The following ANKFN1 variants were observed in gnomAD, a reference collection of about 807,000 sequenced individuals.
ANKFN1 encodes the protein ankyrin repeat and fibronectin type III domain containing 1, also known as ankyrin repeat and fibronectin type-III domain-containing protein 1.
In ANKFN1, 74 loss-of-function variants were observed where a neutral mutation model predicts 108.7. The ratio of observed to expected loss-of-function variants is 0.68; its 90% CI spans 0.56 to 0.83. The LOEUF (loss-of-function observed/expected upper bound fraction) is 0.83. Among genes scored for constraint, ANKFN1 ranks in the 40% least tolerant of loss-of-function variants. ANKFN1 has a pLI of 0.00. For missense variants in ANKFN1, 1,505 were observed against 1,382.3 expected, an observed-to-expected ratio of 1.09 and a Z score of -1.41; for synonymous variants, 547 against 516.2, an observed-to-expected ratio of 1.06 and a Z score of -0.81.
Position 56,514,716 on chromosome 17 carries a change from G to T in ANKFN1, c.*3447G>T, listed in dbSNP as rs2051865769. 6.6e-6 allele frequency among the ~76,000 whole-genome samples: 1 copy of T among 152,172 alleles called. No individual in the cohort carries two copies. Among genetic ancestry groups the T allele is most frequent in the Admixed American group, 6.5e-5 (1 of 15,276 alleles). ...TCATTTGGTTTGAAAATTGAAGCAA[G>T]TTAGTAATAATATTTCGCCAGTCCT... On this transcript the variant is annotated 3_prime_UTR_variant, in exon 21 of 21. Coordinates refer to ENST00000682825, the MANE Select transcript of ANKFN1 (RefSeq NM_001370326.1).
chr17:56,312,280 C>T (rs2045052550), intron 3 of ANKFN1, among the ~76,000 whole-genome samples: 1 of 152,200 alleles, frequency 6.6e-6, no homozygotes, highest in Non-Finnish European at 1.5e-5. Flanking sequence ...TGATATTCCA[C>T]ATGTGTCTGG....
chr17:56,189,179 T>TTTTTTTTTTTGTTTTTTTTG (rs1244013476), intron 1 of ANKFN1, among the ~76,000 whole-genome samples: 5 of 111,400 alleles, frequency 4.5e-5, no homozygotes, highest in African/African-American at 9.8e-5. Context: ...ACTTTTTTTT[T>TTTTTTTTTTTGTTTTTTTTG]TTTTTTTTTG....
chr17:56,324,246 C>A (rs571225234), intron 3 of ANKFN1, among the ~76,000 whole-genome samples: 1 of 152,254 alleles, frequency 6.6e-6, no homozygotes, highest in South Asian at 2.1e-4. Context: ...GGAGTTTATA[C>A]TTCATCAATA....
intron 19 of ANKFN1, among the ~76,000 whole-genome samples, chr17:56,497,676 A>G (rs1260949041): frequency 6.6e-6 from 1 of 152,166 alleles, no homozygotes; most frequent in East Asian, 1.9e-4. Context: ...TGACTCACAT[A>G]ATGAATACCT....
At chr17:56,074,390 GAC>G (rs1905156926) in intron 4 of ANKFN1, among the ~76,000 whole-genome samples, 1 of 152,226 alleles carries the variant, frequency 6.6e-6, no homozygotes, top group Non-Finnish European at 1.5e-5. Flanking sequence ...AGACCCCTCT[GAC>G]ACTGCGTGAG....
chr17:56,494,046 A>G lies in ANKFN1; in HGVS notation c.2427+1693A>G, dbSNP rs146216616. Among the ~76,000 whole-genome samples, 364 of 152,314 alleles carry G rather than the reference A, an allele frequency of 2.4e-3. 5 individuals are homozygous for G. The highest frequency in any genetic ancestry group is 8.4e-3 in the African/African-American group (349 of 41,576). Reference sequence around the variant, plus strand: ...GCCTGGCACATAGTAAGTATGTAATACATTATATATTCATTCATTCACAAG... The same window carrying G: ...GCCTGGCACATAGTAAGTATGTAATGCATTATATATTCATTCATTCACAAG... On this transcript the variant is annotated intron_variant, in intron 19 of 20. Transcript: ENST00000682825.
rs1285490944 is a variant in ANKFN1, at chr17:56,313,047, C to T, written c.54-13174C>T. On this transcript the variant is annotated intron_variant, in intron 3 of 20. Transcript: ENST00000682825. The stretch of plus-strand genomic sequence containing the variant: ...GTGGGCGCCTGTAATCCCAGCTATT[C>T]AGGAGGCTGAGGTGGAGAATTGCTT... Among the ~76,000 whole-genome samples the T allele has an allele frequency of 3.3e-5, 5 of 151,056 alleles. No homozygotes were observed. The South Asian group carries it at 6.3e-4, about 19-fold the overall frequency.
At chr17:56,386,171 G>A (rs2047261378) in intron 8 of ANKFN1, among the ~76,000 whole-genome samples, 1 of 151,376 alleles carries the variant, frequency 6.6e-6, no homozygotes, top group African/African-American at 2.4e-5. Context: ...GTCCTTTGTA[G>A]GGACATGGAT....
At chr17:56,113,105 G>A (rs1302068427) in intron 4 of ANKFN1, among the ~76,000 whole-genome samples, 1 of 152,082 alleles carries the variant, frequency 6.6e-6, no homozygotes, top group East Asian at 1.9e-4. Context: ...CTGTGTGATG[G>A]TGTGTGTGAT....
chr17:56,503,486 C>T (rs1290367961), intron 20 of ANKFN1, among the ~76,000 whole-genome samples: 5 of 81,526 alleles, frequency 6.1e-5, no homozygotes, highest in South Asian at 4.8e-4. Flanking sequence ...GCACAAATTT[C>T]ATATATATAT....
chr17:56,061,725 AT>A (rs1367933911), intron 4 of ANKFN1, among the ~76,000 whole-genome samples: 1 of 151,986 alleles, frequency 6.6e-6, no homozygotes, highest in Non-Finnish European at 1.5e-5. Flanking sequence ...TGGATTTATG[AT>A]TTTTGGAGGG....
chr17:56,374,859 T>C, intron 8 of ANKFN1, 145 bp downstream of exon 8: 1 of 640,356 alleles, frequency 1.6e-6, no homozygotes, highest in South Asian at 2.0e-5. Context: ...AATATTTCCA[T>C]AGGCACTCAT....
chr17:56,450,114 G>A (rs2145204399), intron 11 of ANKFN1, among the ~76,000 whole-genome samples: 1 of 152,296 alleles, frequency 6.6e-6, no homozygotes, highest in East Asian at 1.9e-4. Context: ...TGTAGATTTA[G>A]GACACTGCTG....
intron 4 of ANKFN1, among the ~76,000 whole-genome samples, chr17:56,082,728 T>C (rs1250225958): frequency 6.6e-6 from 1 of 152,218 alleles, no homozygotes; most frequent in Admixed American, 6.5e-5. Context: ...GGGAGGTGGA[T>C]GGGCTTGATC....
intron 10 of ANKFN1, among the ~76,000 whole-genome samples, chr17:56,444,690 T>G (rs989712218): frequency 6.6e-6 from 1 of 152,186 alleles, no homozygotes; most frequent in African/African-American, 2.4e-5. Context: ...CTTGAGGTGA[T>G]TTTTATTATT....
intron 2 of ANKFN1, among the ~76,000 whole-genome samples, chr17:56,214,848 A>C (rs1409621357): frequency 6.6e-6 from 1 of 152,210 alleles, no homozygotes; most frequent in Non-Finnish European, 1.5e-5. Flanking sequence ...TCTGTGGAAA[A>C]AAATGGGCTA....
At chr17:56,066,326 C>T (rs75900596) in intron 4 of ANKFN1, among the ~76,000 whole-genome samples, 5,045 of 152,240 alleles carry the variant, frequency 0.033, 270 homozygotes, top group African/African-American at 0.11. Context: ...GTTCAGTGCT[C>T]GGTACCTATG....
Position 56,516,256 on chromosome 17 carries a change from AAG to A in ANKFN1, c.*4988_*4989del, listed in dbSNP as rs1491111063. On this transcript the variant is annotated 3_prime_UTR_variant, in exon 21 of 21. Coordinates refer to ENST00000682825, the MANE Select transcript of ANKFN1 (RefSeq NM_001370326.1). ...AGTTTGATGTTTGTGATTTTTAAAA[AAG>A]TGTGTGTGTGTGTGTGTGTGTGTGC... is the stretch of plus-strand genomic sequence containing the variant. 7.1e-6 allele frequency among the ~76,000 whole-genome samples: 1 copy of A among 140,680 alleles called. No homozygotes were observed. The highest frequency in any genetic ancestry group is 2.9e-5 in the African/African-American group (1 of 34,350). 92.3% of individuals were successfully genotyped at this position (140,680 alleles called of 152,430 possible).
At chr17:56,478,230 T>C (rs2050577069) in intron 16 of ANKFN1, among the ~76,000 whole-genome samples, 1 of 152,244 alleles carries the variant, frequency 6.6e-6, no homozygotes, top group Middle Eastern at 3.2e-3. Context: ...CCCTCTATGT[T>C]ACTCATGGTA....
Sources: gnomAD v4.1 joint callset for allele counts (sites outside exome capture counted in the v4.1 genomes callset) on GRCh38, gnomAD v4.1.1 for gene constraint, MANE v1.5 for transcripts, NCBI Gene and HGNC (gene_info 2026-07-23, HGNC 2026-07-21) for gene names.